R3HDM1: variants seen among roughly 807,000 people sequenced by gnomAD.
R3HDM1 encodes R3H domain-containing protein 1.
Under a neutral mutation model 141.1 loss-of-function variants are expected in R3HDM1, and 46 were observed. The ratio of observed to expected loss-of-function variants is 0.33; its 90% CI spans 0.26 to 0.42. The LOEUF is 0.42. R3HDM1 is among the 10% of genes least tolerant of loss of function. The pLI is 1.00. For missense variants in R3HDM1, 1,184 were observed against 1,368.3 expected, an observed-to-expected ratio of 0.87 and a Z score of 2.12; for synonymous variants, 435 against 472.9, an observed-to-expected ratio of 0.92 and a Z score of 1.04.
chr2:135,538,570 A>G (rs1184675075), intron 1 of R3HDM1, among the ~76,000 whole-genome samples: 1 of 152,120 alleles, frequency 6.6e-6, no homozygotes, highest in East Asian at 1.9e-4. Flanking sequence ...TTTTTTCTTT[A>G]TATCCTTGCC....
At chr2:135,630,787 CT>C (rs1270764733) in intron 7 of R3HDM1, among the ~76,000 whole-genome samples, 1 of 151,834 alleles carries the variant, frequency 6.6e-6, no homozygotes, top group African/African-American at 2.4e-5. Context: ...CTGCTTTTAG[CT>C]TTAAGTTTCT....
Position 135,722,617 on chromosome 2 carries a change from C to T in R3HDM1, c.3049+64C>T, listed in dbSNP as rs2076800952. On this transcript the variant is annotated intron_variant, in intron 26 of 26. Coordinates refer to ENST00000683871, the MANE Select transcript of R3HDM1 (RefSeq NM_001378107.1). ...CTGGTGACAGTCTAAAAATACACCA[C>T]AGCACAGAAATGGGTTTTCCTCTTC... is the stretch of plus-strand genomic sequence containing the variant. 2.0e-5 allele frequency: 30 copies of T among 1,465,058 alleles called. No individual in the cohort carries two copies. In the South Asian group the frequency reaches 3.1e-4, roughly 15 times the overall value. 90.8% of individuals were successfully genotyped at this position (1,465,058 alleles called of 1,614,324 possible).
intron 18 of R3HDM1, among the ~76,000 whole-genome samples, chr2:135,656,909 C>T (rs546253067): frequency 8.6e-5 from 13 of 151,602 alleles, no homozygotes; most frequent in East Asian, 5.8e-4. Context: ...GCCTGGCCAA[C>T]GTGGCGAAAC....
chr2:135,598,494 C>T (rs994436203), intron 1 of R3HDM1, among the ~76,000 whole-genome samples: 5 of 152,122 alleles, frequency 3.3e-5, no homozygotes, highest in Non-Finnish European at 5.9e-5. Flanking sequence ...ACAAATTGCC[C>T]CTCTTCTTGG....
At position 135,674,051 on chromosome 2, in the gene R3HDM1, T is replaced by C. The variant is rs573709860; in HGVS notation, c.2153-1281T>C. Among the ~76,000 whole-genome samples, 4 of 152,292 alleles carry C rather than the reference T, an allele frequency of 2.6e-5. No homozygotes were observed. In the South Asian group the frequency reaches 8.3e-4, roughly 32 times the overall value. On this transcript the variant is annotated intron_variant, in intron 19 of 26. Transcript: ENST00000683871. ...TCTCCCAAAGTGCTGGGATCATAGGTGTAAGCCACCACACCTGGCCAAGAT... is the reference window on the plus strand; with the variant it reads ...TCTCCCAAAGTGCTGGGATCATAGGCGTAAGCCACCACACCTGGCCAAGAT...
chr2:135,574,159 AATAAG>A (rs1365914070), intron 1 of R3HDM1, among the ~76,000 whole-genome samples: 1 of 152,202 alleles, frequency 6.6e-6, no homozygotes, highest in Non-Finnish European at 1.5e-5. Flanking sequence ...AGATATGCAA[AATAAG>A]ATAAAGCGGT....
At chr2:135,596,597 G>A (rs2059212449) in intron 1 of R3HDM1, among the ~76,000 whole-genome samples, 2 of 152,012 alleles carry the variant, frequency 1.3e-5, no homozygotes, top group Admixed American at 1.3e-4. Context: ...TCCCATCCAT[G>A]CTTGTGTGGT....
At chr2:135,575,502 A>C (rs1456331441) in intron 1 of R3HDM1, among the ~76,000 whole-genome samples, 1 of 152,222 alleles carries the variant, frequency 6.6e-6, no homozygotes, top group Non-Finnish European at 1.5e-5. Flanking sequence ...ATTTTTGATA[A>C]GGGATAGTCA....
chr2:135,670,721 A>G (rs1000818935), intron 19 of R3HDM1, among the ~76,000 whole-genome samples: 1 of 151,992 alleles, frequency 6.6e-6, no homozygotes, highest in African/African-American at 2.4e-5. Flanking sequence ...AGTCTTTTTT[A>G]TGCTCTATAA....
In R3HDM1 at chr2:135,549,561, CAAAAAAAA is replaced by C. The variant is rs1236257586; in HGVS notation, c.-250+17941_-250+17948del. Among the ~76,000 whole-genome samples the C allele has an allele frequency of 1.6e-3, 105 of 67,450 alleles. 1 individual carries two copies. The highest frequency in any genetic ancestry group is 4.7e-3 in the African/African-American group (93 of 19,918). 44.2% of individuals were successfully genotyped at this position (67,450 alleles called of 152,430 possible). ...GGGTGACAAGAGCGAAACTCTGCCTCAAAAAAAAAAAAAAAAAAAACAAAAACAAAATG... is the reference window on the plus strand; with the variant it reads ...GGGTGACAAGAGCGAAACTCTGCCTCAAAAAAAAAAAACAAAAACAAAATG... On this transcript the variant is annotated intron_variant, in intron 1 of 26. Transcript: ENST00000683871.
intron 1 of R3HDM1, among the ~76,000 whole-genome samples, chr2:135,537,734 G>A (rs1255757048): frequency 6.6e-6 from 1 of 151,002 alleles, no homozygotes; most frequent in Non-Finnish European, 1.5e-5. Flanking sequence ...TCGGCTCACT[G>A]CAACCTCCGC....
At chr2:135,600,102 G>GT (rs1559208218) in intron 1 of R3HDM1, among the ~76,000 whole-genome samples, 8 of 133,046 alleles carry the variant, frequency 6.0e-5, no homozygotes, top group African/African-American at 2.0e-4. Flanking sequence ...AAGTTCGTAT[G>GT]ATTTTTTTTT....
At chr2:135,588,931 G>A (rs1364227764) in intron 1 of R3HDM1, among the ~76,000 whole-genome samples, 1 of 152,028 alleles carries the variant, frequency 6.6e-6, no homozygotes, top group African/African-American at 2.4e-5. Flanking sequence ...TTAACCTCTT[G>A]TTTTGAAATA....
chr2:135,715,870 C>T (rs576253775), intron 24 of R3HDM1, among the ~76,000 whole-genome samples, 176 bp downstream of exon 24: 9 of 152,262 alleles, frequency 5.9e-5, no homozygotes, highest in African/African-American at 2.2e-4. Flanking sequence ...TGTATCATTG[C>T]TAATTAATAA....
At chr2:135,571,944 T>C (rs2104997535) in intron 1 of R3HDM1, among the ~76,000 whole-genome samples, 1 of 152,260 alleles carries the variant, frequency 6.6e-6, no homozygotes, top group East Asian at 1.9e-4. Flanking sequence ...TTTATTTTGT[T>C]TTATTTTATT....
chr2:135,536,460 G>A, intron 1 of R3HDM1: 2 of 788,364 alleles, frequency 2.5e-6, no homozygotes, highest in African/African-American at 1.9e-5. Flanking sequence ...TTCATAAATA[G>A]TGGATTGCAC....
Position 135,582,199 on chromosome 2 carries a change from G to A in R3HDM1, c.-249-20301G>A, listed in dbSNP as rs926291222. Among the ~76,000 whole-genome samples the A allele has an allele frequency of 7.2e-5, 11 of 152,014 alleles. 1 individual carries two copies. Among genetic ancestry groups the A allele is most frequent in the African/African-American group, 2.2e-4 (9 of 41,390 alleles). On this transcript the variant is annotated intron_variant, in intron 1 of 26. Transcript: ENST00000683871. ...AAAAAAATTAGCCAGGCATGGTGGC[G>A]CACACCTGTAATCCCAGCTACTTAG... is the stretch of plus-strand genomic sequence containing the variant.
At chr2:135,633,513 TTATAA>T (rs1412141088) in intron 9 of R3HDM1, among the ~76,000 whole-genome samples, 3 of 152,088 alleles carry the variant, frequency 2.0e-5, no homozygotes, top group African/African-American at 7.2e-5. Flanking sequence ...GCAGAGATGC[TTATAA>T]TATACTTAAA....
chr2:135,585,923 A>G (rs1707799175), intron 1 of R3HDM1, among the ~76,000 whole-genome samples: 1 of 152,242 alleles, frequency 6.6e-6, no homozygotes. Flanking sequence ...GGAAGATGCA[A>G]AACTGTCACA....
Sources: allele counts gnomAD v4.1 joint callset (sites outside exome capture counted in the v4.1 genomes callset), GRCh38; gene constraint gnomAD v4.1.1; transcripts MANE v1.5; gene names NCBI Gene and HGNC (gene_info 2026-07-23, HGNC 2026-07-21).